DLG2: variants seen among roughly 807,000 people sequenced by gnomAD.
DLG2 encodes the protein discs large MAGUK scaffold protein 2.
DLG2 carries 45 observed loss-of-function variants against 132.5 expected under a neutral mutation model. The ratio of observed to expected loss-of-function variants is 0.34; its 90% CI spans 0.27 to 0.44. DLG2 has a LOEUF of 0.44. DLG2 is among the 20% of genes least tolerant of loss of function. The probability of loss-of-function intolerance (pLI) is 1.00; values close to 1 mark genes in which losing one functional copy is unlikely to be tolerated. For synonymous variants in DLG2, 424 were observed against 419.6 expected (o/e 1.01, Z -0.13); for missense variants, 1,045 against 1,196.9 (o/e 0.87, Z 1.87).
chr11:85,024,799 C>T (rs918717387), intron 6 of DLG2, among the ~76,000 whole-genome samples: 4 of 152,166 alleles, frequency 2.6e-5, no homozygotes, highest in African/African-American at 7.2e-5. Flanking sequence ...GCTTTCCTAA[C>T]ATATTTTCAG....
At chr11:84,866,590 C>T (rs937136046) in intron 6 of DLG2, among the ~76,000 whole-genome samples, 5 of 152,184 alleles carry the variant, frequency 3.3e-5, no homozygotes, top group Admixed American at 2.0e-4. Flanking sequence ...CCTGGAATCA[C>T]TGCTAACTTC....
chr11:85,042,382 T>C (rs2154150350), intron 6 of DLG2, among the ~76,000 whole-genome samples: 1 of 152,144 alleles, frequency 6.6e-6, no homozygotes, highest in Middle Eastern at 3.4e-3. Flanking sequence ...AGAATTTACT[T>C]GGTACTAGGC....
intron 9 of DLG2, among the ~76,000 whole-genome samples, chr11:84,125,310 G>A (rs1358916278): frequency 6.6e-6 from 1 of 152,140 alleles, no homozygotes; most frequent in East Asian, 1.9e-4. Context: ...ACACACACAA[G>A]TTTTTGGTTA....
chr11:85,512,785 T>C (rs1307255065), intron 3 of DLG2, among the ~76,000 whole-genome samples: 1 of 152,060 alleles, frequency 6.6e-6, no homozygotes, highest in Non-Finnish European at 1.5e-5. Context: ...AGTGTGGAGA[T>C]TTCTCAAAGA....
chr11:85,482,061 G>A (rs2093308296), intron 3 of DLG2, among the ~76,000 whole-genome samples: 1 of 151,648 alleles, frequency 6.6e-6, no homozygotes, highest in Admixed American at 6.6e-5. Flanking sequence ...GCAGAATCAG[G>A]CTCCAGACCA....
At chr11:84,928,386 A>G (rs1276135369) in intron 6 of DLG2, among the ~76,000 whole-genome samples, 1 of 152,014 alleles carries the variant, frequency 6.6e-6, no homozygotes, top group African/African-American at 2.4e-5. Context: ...TCTGTAAAAT[A>G]AAGGTAACAA....
At chr11:83,935,074 T>C (rs1322468418) in intron 14 of DLG2, among the ~76,000 whole-genome samples, 1 of 152,230 alleles carries the variant, frequency 6.6e-6, no homozygotes, top group East Asian at 1.9e-4. Context: ...GCTATGGTTT[T>C]CTTGGGTTGC....
intron 4 of DLG2, among the ~76,000 whole-genome samples, chr11:85,186,970 C>A (rs1057196393): frequency 1.3e-5 from 2 of 151,918 alleles, no homozygotes; most frequent in Admixed American, 6.6e-5. Flanking sequence ...TCAGAGTATC[C>A]CCCTTAAAGA....
At chr11:85,190,042 GCAGGACTT>G (rs1267814956) in intron 4 of DLG2, among the ~76,000 whole-genome samples, 2 of 152,156 alleles carry the variant, frequency 1.3e-5, no homozygotes, top group Admixed American at 6.5e-5. Flanking sequence ...TCTAATTCAG[GCAGGACTT>G]CTAATGCTTT....
In DLG2 at chr11:83,512,980, C is replaced by T. The variant is rs11602863; in HGVS notation, c.2193+19728G>A. Reference sequence around the variant, plus strand: ...AAGTCTTTGCTATTGTGAATAGTGCCGCAATAAACATACCTGTGCATCTAT... The same window carrying T: ...AAGTCTTTGCTATTGTGAATAGTGCTGCAATAAACATACCTGTGCATCTAT... On this transcript the variant is annotated intron_variant, in intron 21 of 27. Coordinates refer to ENST00000376104, the MANE Select transcript of DLG2 (RefSeq NM_001142699.3). 1.0e-3 allele frequency among the ~76,000 whole-genome samples: 157 copies of T among 152,216 alleles called. 3 individuals carry two copies. In the South Asian group the frequency reaches 0.032, roughly 31 times the overall value.
chr11:83,791,291 G>T (rs1348223994), intron 17 of DLG2: 1 of 678,326 alleles, frequency 1.5e-6, no homozygotes, highest in Non-Finnish European at 2.6e-6. Flanking sequence ...CTCCCAGAGG[G>T]TTTGCCCGCC....
chr11:84,031,025 G>T (rs1207123018), intron 11 of DLG2, among the ~76,000 whole-genome samples: 1 of 152,062 alleles, frequency 6.6e-6, no homozygotes, highest in South Asian at 2.1e-4. Context: ...CAGGAGGAGA[G>T]CTCAGTTCTA....
intron 3 of DLG2, among the ~76,000 whole-genome samples, chr11:85,535,368 G>A (rs537591205): frequency 6.3e-4 from 96 of 152,052 alleles, no homozygotes; most frequent in Non-Finnish European, 1.1e-3. Flanking sequence ...ATTGGATGGG[G>A]TCAAAATAAA....
chr11:84,819,189 T>C lies in DLG2; in HGVS notation c.358-284458A>G, dbSNP rs540449130. On this transcript the variant is annotated intron_variant, in intron 6 of 27. Coordinates refer to ENST00000376104, the MANE Select transcript of DLG2 (RefSeq NM_001142699.3). ...CTCTAAAAGATCAACTTGCTGTAAG[T>C]CTCACAATAGAAAGTATGTGGTATT... Among the ~76,000 whole-genome samples the C allele has an allele frequency of 2.5e-4, 38 of 151,820 alleles. 1 individual carries two copies. Among genetic ancestry groups the C allele is most frequent in the Middle Eastern group, 6.8e-3 (2 of 292 alleles).
chr11:84,492,034 A>G (rs908128950), intron 7 of DLG2, among the ~76,000 whole-genome samples: 1 of 152,180 alleles, frequency 6.6e-6, no homozygotes, highest in African/African-American at 2.4e-5. Context: ...AGACATTTTA[A>G]GTAAACATGA....
intron 7 of DLG2, among the ~76,000 whole-genome samples, chr11:84,335,918 C>T (rs1206206824): frequency 6.6e-6 from 1 of 152,154 alleles, no homozygotes. Context: ...ATGGTATTTA[C>T]AGGGCTGGAT....
At chr11:84,868,050 G>C (rs1017526042) in intron 6 of DLG2, among the ~76,000 whole-genome samples, 2 of 150,354 alleles carry the variant, frequency 1.3e-5, no homozygotes, top group East Asian at 2.0e-4. Context: ...CTCCAGCCTG[G>C]GCAACAAAGC....
At chr11:84,458,883 C>A (rs2099072689) in intron 7 of DLG2, among the ~76,000 whole-genome samples, 1 of 150,574 alleles carries the variant, frequency 6.6e-6, no homozygotes, top group Admixed American at 6.6e-5. Context: ...CTTTGTCAAG[C>A]AGTACACGAA....
At chr11:84,783,824 T>C in intron 6 of DLG2, among the ~76,000 whole-genome samples, 1 of 152,238 alleles carries the variant, frequency 6.6e-6, no homozygotes, top group African/African-American at 2.4e-5. Context: ...TTGGTATCTG[T>C]ATGTTTCACC....
Sources: allele counts gnomAD v4.1 joint callset (sites outside exome capture counted in the v4.1 genomes callset), GRCh38; gene constraint gnomAD v4.1.1; transcripts MANE v1.5; gene names NCBI Gene and HGNC (gene_info 2026-07-23, HGNC 2026-07-21).